SH3RF2: variants seen among roughly 807,000 people sequenced by gnomAD.
SH3RF2 encodes E3 ubiquitin-protein ligase SH3RF2.
Under a neutral mutation model 59.0 loss-of-function variants are expected in SH3RF2, and 43 were observed. That is an observed-to-expected ratio of 0.73 (90% CI 0.57 to 0.94). The LOEUF is 0.94. Among genes scored for constraint, SH3RF2 ranks in the 40% least tolerant of loss-of-function variants. The pLI, the probability that SH3RF2 is intolerant of heterozygous loss-of-function variation, is 0.00. For synonymous variants in SH3RF2, 391 were observed against 391.5 expected, an observed-to-expected ratio of 1.00 and a Z score of 0.01; for missense variants, 930 against 940.1, an observed-to-expected ratio of 0.99 and a Z score of 0.14.
intron 2 of SH3RF2, among the ~76,000 whole-genome samples, chr5:145,967,872 C>T (rs879618592): frequency 3.9e-5 from 6 of 152,138 alleles, no homozygotes; most frequent in Non-Finnish European, 7.3e-5. Flanking sequence ...GTTGGCCAGG[C>T]TGGTCTCAAA....
downstream of SH3RF2, among the ~76,000 whole-genome samples, chr5:146,064,043 A>G (rs1276936172): frequency 1.3e-5 from 2 of 152,176 alleles, no homozygotes; most frequent in East Asian, 3.8e-4. Context: ...CAGTGCGAAC[A>G]TGGCAGCCCG....
At chr5:146,042,279 T>C (rs1300176887) in intron 5 of SH3RF2, among the ~76,000 whole-genome samples, 3 of 152,188 alleles carry the variant, frequency 2.0e-5, no homozygotes, top group Non-Finnish European at 4.4e-5. Context: ...TCCAAGACCT[T>C]GCCAGGCTGT....
intron 5 of SH3RF2, among the ~76,000 whole-genome samples, chr5:146,041,312 C>A (rs1326171927): frequency 6.6e-6 from 1 of 152,024 alleles, no homozygotes; most frequent in Non-Finnish European, 1.5e-5. Context: ...CCGACCCCAA[C>A]ACGCTCAGGC....
intron 4 of SH3RF2, among the ~76,000 whole-genome samples, chr5:146,007,078 A>T (rs1760675622): frequency 6.6e-6 from 1 of 152,232 alleles, no homozygotes; most frequent in South Asian, 2.1e-4. Flanking sequence ...GGAACACGTG[A>T]AACACTGGGT....
chr5:146,041,241 A>C (rs749662254), intron 5 of SH3RF2, among the ~76,000 whole-genome samples: 1 of 152,216 alleles, frequency 6.6e-6, no homozygotes, highest in Non-Finnish European at 1.5e-5. Flanking sequence ...GTGAGGGTGA[A>C]GCAGCCCTTG....
rs369237611 is a variant in SH3RF2, at chr5:146,010,723, GTTGT to G, written c.745-3017_745-3014del. ...TATCTTTTGCCCACTTGTTGATGGG[GTTGT>G]TTGTTTTTTTCTTGTAAATTTGTTT... On this transcript the variant is annotated intron_variant, in intron 4 of 9. Transcript: ENST00000359120. Among the ~76,000 whole-genome samples, 58 of 152,254 alleles carry G rather than the reference GTTGT, an allele frequency of 3.8e-4. No individual in the cohort carries two copies. The South Asian group carries it at 6.6e-3, about 17-fold the overall frequency.
chr5:145,986,824 T>C (rs1020238068), intron 2 of SH3RF2, among the ~76,000 whole-genome samples: 3 of 152,096 alleles, frequency 2.0e-5, no homozygotes, highest in African/African-American at 7.2e-5. Flanking sequence ...AATACGCCAA[T>C]GGCAGCCCTG....
At position 146,072,117 on chromosome 5, in the gene SH3RF2, A is replaced by G. The variant is rs571730416; in HGVS notation, c.*34-6343A>G. On this transcript the variant is annotated intron_variant, in intron 9 of 9. Coordinates refer to the SH3RF2 transcript ENST00000511217. ...AGGGAAGTGCCTGGACTCTGGAGTC[A>G]TATATCCCTGGGTTCAAATCCTGAC... Among the ~76,000 whole-genome samples the G allele has an allele frequency of 2.0e-4, 31 of 152,356 alleles. No homozygotes were observed. The South Asian group carries it at 6.2e-3, about 31-fold the overall frequency.
intron 2 of SH3RF2, among the ~76,000 whole-genome samples, chr5:145,939,681 A>C (rs1050424802): frequency 1.3e-5 from 2 of 152,220 alleles, no homozygotes. Context: ...GTCATCAATC[A>C]GAATCCACAG....
intron 4 of SH3RF2, among the ~76,000 whole-genome samples, chr5:146,012,619 G>C (rs1012521344): frequency 6.6e-6 from 1 of 152,070 alleles, no homozygotes; most frequent in Non-Finnish European, 1.5e-5. Flanking sequence ...AATGAGATAC[G>C]GTTTTAGAGG....
At chr5:146,070,925 C>T (rs1032910447) in intron 9 of SH3RF2, among the ~76,000 whole-genome samples, 1 of 152,162 alleles carries the variant, frequency 6.6e-6, no homozygotes, top group Non-Finnish European at 1.5e-5. Context: ...CTGTTTTGTG[C>T]ACTATGTGCA....
intron 4 of SH3RF2, among the ~76,000 whole-genome samples, chr5:146,009,215 T>C (rs1244985480): frequency 6.6e-6 from 1 of 152,224 alleles, no homozygotes; most frequent in Non-Finnish European, 1.5e-5. Context: ...AACAGTAGCA[T>C]GAGCTTTTAA....
Position 146,013,797 on chromosome 5 carries a change from A to G in SH3RF2, c.795A>G (p.Ser265=), listed in dbSNP as rs1761000061. ...TAGAGAAGAACAAAGGTCGCCAGTC[A>G]TCCCGCACAAAAAACCTGTCCCTGG... ...HLLEKNKGRQ[S]SRTKNLSLVS... Residue 265 remains serine, a synonymous_variant, in exon 5 of 10, where the codon TCA becomes TCG. Transcript: ENST00000359120. The G allele has an allele frequency of 6.2e-7, 1 of 1,614,160 alleles. No homozygotes were observed. Among genetic ancestry groups the G allele is most frequent in the Non-Finnish European group, 8.5e-7 (1 of 1,180,004 alleles).
At position 145,938,117 on chromosome 5, in the gene SH3RF2, G is replaced by A; in HGVS notation, c.189G>A (p.Leu63=). ...CTGTGTTTTCCAACATTGAGGCGCT[G>A]CCGGCCAACCTGCTGCTCGTGCGCC... ...RTPVFSNIEA[L]PANLLLVRLL... is the part of the protein sequence containing the mutation. The change falls in exon 2 of 10, where the codon CTG becomes CTA. Residue 63 remains leucine, a synonymous_variant. Coordinates refer to ENST00000359120, the MANE Select transcript of SH3RF2 (RefSeq NM_152550.4). The A allele has an allele frequency of 6.2e-7, 1 of 1,614,222 alleles. No homozygotes were observed.
intron 9 of SH3RF2, among the ~76,000 whole-genome samples, chr5:146,075,776 T>C (rs1763327760): frequency 2.6e-5 from 2 of 75,642 alleles, no homozygotes; most frequent in South Asian, 8.0e-4. Flanking sequence ...CGAAATTCCA[T>C]GTAAAAAAAA....
chr5:146,003,532 TG>T (rs1269167080), intron 3 of SH3RF2, among the ~76,000 whole-genome samples: 12 of 152,272 alleles, frequency 7.9e-5, no homozygotes, highest in Non-Finnish European at 1.3e-4. Flanking sequence ...ATCTTTATTG[TG>T]GTAAAATATT....
chr5:146,051,286 T>C lies in SH3RF2; in HGVS notation c.1322+2041T>C, dbSNP rs6580405. Among the ~76,000 whole-genome samples, 1,272 of 152,104 alleles carry C rather than the reference T, an allele frequency of 8.4e-3. 19 individuals are homozygous for C. The highest frequency in any genetic ancestry group is 0.029 in the African/African-American group (1,208 of 41,498). On this transcript the variant is annotated intron_variant, in intron 7 of 9. Coordinates refer to ENST00000359120, the MANE Select transcript of SH3RF2 (RefSeq NM_152550.4). ...GAATTTCCTAGGTCATAATGAAGGG[T>C]TTAGCTTTAAGCCTGTTGCTGGGTT...
At chr5:145,968,007 G>A (rs939126214) in intron 2 of SH3RF2, among the ~76,000 whole-genome samples, 1 of 152,088 alleles carries the variant, frequency 6.6e-6, no homozygotes, top group Non-Finnish European at 1.5e-5. Context: ...TTTGCTTTTA[G>A]GATATCCATG....
intron 2 of SH3RF2, among the ~76,000 whole-genome samples, chr5:145,962,281 TG>T (rs1561711784): frequency 1.3e-5 from 2 of 152,170 alleles, no homozygotes; most frequent in Non-Finnish European, 2.9e-5. Context: ...AAAGGAGAGA[TG>T]GCTCACAAAA....
Sources: gnomAD v4.1 joint callset for allele counts (sites outside exome capture counted in the v4.1 genomes callset) on GRCh38, gnomAD v4.1.1 for gene constraint, MANE v1.5 for transcripts, NCBI Gene and HGNC (gene_info 2026-07-23, HGNC 2026-07-21) for gene names.